The following CNBD1 variants were observed in gnomAD, a reference collection of about 807,000 sequenced individuals.
CNBD1 encodes the protein cyclic nucleotide-binding domain-containing protein 1.
Under a neutral mutation model 54.4 loss-of-function variants are expected in CNBD1, and 71 were observed. That is an observed-to-expected ratio of 1.30 (90% CI 1.08 to 1.59). CNBD1 has a LOEUF of 1.59. Among genes scored for constraint, CNBD1 ranks in the 40% most tolerant of loss-of-function variants. The pLI is 0.00. For synonymous variants in CNBD1, 182 were observed against 170.7 expected (o/e 1.07, Z -0.51); for missense variants, 659 against 518.0 (o/e 1.27, Z -2.64).
At chr8:86,874,416 G>A (rs535037711) in intron 1 of CNBD1, among the ~76,000 whole-genome samples, 2 of 152,080 alleles carry the variant, frequency 1.3e-5, no homozygotes, top group Non-Finnish European at 2.9e-5. Flanking sequence ...ATCTTATCAG[G>A]GGCCATATGA....
chr8:86,956,740 G>C (rs1235218930), intron 4 of CNBD1, among the ~76,000 whole-genome samples: 1 of 152,142 alleles, frequency 6.6e-6, no homozygotes, highest in Non-Finnish European at 1.5e-5. Context: ...CTGAGATGAT[G>C]GGTTTTTATA....
At chr8:87,110,963 T>G (rs1214600388) in intron 4 of CNBD1, among the ~76,000 whole-genome samples, 3 of 152,226 alleles carry the variant, frequency 2.0e-5, no homozygotes. Flanking sequence ...ACAGCTACCA[T>G]GTTTTCAGTG....
intron 10 of CNBD1, among the ~76,000 whole-genome samples, chr8:87,369,823 C>A (rs964505293): frequency 7.2e-5 from 11 of 151,844 alleles, no homozygotes; most frequent in Non-Finnish European, 1.2e-4. Context: ...TGTGCTGCAC[C>A]CATTAACTAG....
chr8:87,369,042 T>C (rs1475148035), intron 10 of CNBD1, among the ~76,000 whole-genome samples: 1 of 152,026 alleles, frequency 6.6e-6, no homozygotes, highest in Non-Finnish European at 1.5e-5. Context: ...TATACTTTAC[T>C]AACAGTTTAA....
chr8:87,048,506 C>T (rs1208705152), intron 4 of CNBD1, among the ~76,000 whole-genome samples: 6 of 152,068 alleles, frequency 3.9e-5, no homozygotes, highest in East Asian at 1.9e-4. Flanking sequence ...ACTGTGGTCT[C>T]GAGGCACAAT....
At chr8:87,076,162 G>A (rs1175478752) in intron 4 of CNBD1, among the ~76,000 whole-genome samples, 2 of 152,164 alleles carry the variant, frequency 1.3e-5, no homozygotes, top group African/African-American at 2.4e-5. Context: ...AGCATGAAGT[G>A]GGTGAGAACT....
At chr8:87,129,095 T>A (rs200187747) in intron 4 of CNBD1, among the ~76,000 whole-genome samples, 5,699 of 39,220 alleles carry the variant, frequency 0.15, 678 homozygotes, top group African/African-American at 0.34. Flanking sequence ...AAAAAAAGAA[T>A]TTTGCTATCT....
In CNBD1 at chr8:87,085,681, G is replaced by A. The variant is rs573101555; in HGVS notation, c.432-120312G>A. Among the ~76,000 whole-genome samples, 13 of 152,224 alleles carry A rather than the reference G, an allele frequency of 8.5e-5. No individual in the cohort carries two copies. In the East Asian group the frequency reaches 2.1e-3, roughly 25 times the overall value. ...CTTTAGGGTTCCCCTGTGAGTCTGT[G>A]CCTGTGAGAGGTTCTTTTCTTTTCC... On this transcript the variant is annotated intron_variant, in intron 4 of 10. Transcript: ENST00000518476.
At chr8:87,020,809 A>G (rs975037337) in intron 4 of CNBD1, among the ~76,000 whole-genome samples, 3 of 152,194 alleles carry the variant, frequency 2.0e-5, no homozygotes, top group African/African-American at 7.2e-5. Flanking sequence ...TCTCAGATCC[A>G]GGAGATAATC....
chr8:86,977,005 G>T (rs1410076985), intron 4 of CNBD1, among the ~76,000 whole-genome samples: 4 of 152,010 alleles, frequency 2.6e-5, no homozygotes, highest in African/African-American at 9.6e-5. Context: ...CTATTTCAAT[G>T]TCTTTTATTT....
At chr8:87,319,160 T>C (rs1043347966) in intron 8 of CNBD1, among the ~76,000 whole-genome samples, 1 of 152,076 alleles carries the variant, frequency 6.6e-6, no homozygotes, top group African/African-American at 2.4e-5. Flanking sequence ...TGATTGATAA[T>C]GTAGCACTTG....
rs116631200 is a variant in CNBD1 at position 87,331,437 on chromosome 8, C to T, written c.1043-20248C>T. Among the ~76,000 whole-genome samples, 599 of 152,178 alleles carry T rather than the reference C, an allele frequency of 3.9e-3. 8 individuals carry two copies. Among genetic ancestry groups the T allele is most frequent in the African/African-American group, 0.013 (560 of 41,510 alleles). On this transcript the variant is annotated intron_variant, in intron 8 of 10. Transcript: ENST00000518476. ...ATAGTATTCCATGGTGTATACATAC[C>T]GCATTTTCTTTATACAGTCCATCAT...
intron 4 of CNBD1, among the ~76,000 whole-genome samples, chr8:87,065,532 T>C (rs1810630819): frequency 6.6e-6 from 1 of 151,952 alleles, no homozygotes; most frequent in Non-Finnish European, 1.5e-5. Context: ...ATTATGAGAA[T>C]GCAGTTCTTT....
At position 87,170,009 on chromosome 8, in the gene CNBD1, T is replaced by C. The variant is rs1326634949; in HGVS notation, c.432-35984T>C. Among the ~76,000 whole-genome samples the C allele has an allele frequency of 3.3e-5, 5 of 152,254 alleles. No individual in the cohort carries two copies. The East Asian group carries it at 9.6e-4, about 29-fold the overall frequency. ...AGATGTAGATTGCTTTGTGTATTTATGGACATTTTAACAATTTTGATTCTT... is the reference window on the plus strand; with the variant it reads ...AGATGTAGATTGCTTTGTGTATTTACGGACATTTTAACAATTTTGATTCTT... On this transcript the variant is annotated intron_variant, in intron 4 of 10. Transcript: ENST00000518476.
chr8:87,333,993 G>A (rs1051386897), intron 8 of CNBD1, among the ~76,000 whole-genome samples: 3 of 152,072 alleles, frequency 2.0e-5, no homozygotes, highest in Non-Finnish European at 2.9e-5. Flanking sequence ...TAATCCATCT[G>A]GTCCTGGGTT....
chr8:86,927,070 G>A (rs747585275), intron 3 of CNBD1, among the ~76,000 whole-genome samples: 1 of 152,212 alleles, frequency 6.6e-6, no homozygotes, highest in East Asian at 1.9e-4. Context: ...ATAAGAATAT[G>A]CCTTGGCTGG....
At chr8:86,925,174 A>G (rs2131828474) in intron 3 of CNBD1, among the ~76,000 whole-genome samples, 1 of 152,256 alleles carries the variant, frequency 6.6e-6, no homozygotes, top group East Asian at 1.9e-4. Context: ...GTGTGGGACA[A>G]AGTCAGCACT....
At position 87,169,685 on chromosome 8, in the gene CNBD1, T is replaced by C. The variant is rs189349797; in HGVS notation, c.432-36308T>C. 2.0e-4 allele frequency among the ~76,000 whole-genome samples: 30 copies of C among 152,248 alleles called. 1 individual carries two copies. The highest frequency in any genetic ancestry group is 3.9e-4 in the Admixed American group (6 of 15,278). The stretch of plus-strand genomic sequence containing the variant: ...AGACTGTCCTTTCCCTAATGTATGT[T>C]CTTGACACCTTTATTGATTATGAAT... On this transcript the variant is annotated intron_variant, in intron 4 of 10. Transcript: ENST00000518476.
At position 87,025,792 on chromosome 8, in the gene CNBD1, C is replaced by T. The variant is rs545247201; in HGVS notation, c.431+86038C>T. Among the ~76,000 whole-genome samples, 17 of 152,168 alleles carry T rather than the reference C, an allele frequency of 1.1e-4. No individual in the cohort carries two copies. In the South Asian group the frequency reaches 2.3e-3, roughly 20 times the overall value. On this transcript the variant is annotated intron_variant, in intron 4 of 10. Coordinates refer to ENST00000518476, the MANE Select transcript of CNBD1 (RefSeq NM_173538.3). ...CGAACCCACCGGAAGGAAGAAACTCCGGACACACCATCTTTAAGAACTGTA... is the reference window on the plus strand; with the variant it reads ...CGAACCCACCGGAAGGAAGAAACTCTGGACACACCATCTTTAAGAACTGTA...
Sources: gnomAD v4.1 joint callset for allele counts (sites outside exome capture counted in the v4.1 genomes callset) on GRCh38, gnomAD v4.1.1 for gene constraint, MANE v1.5 for transcripts, NCBI Gene and HGNC (gene_info 2026-07-23, HGNC 2026-07-21) for gene names.